TAFA2: variants seen among roughly 807,000 people sequenced by gnomAD.
The protein encoded by TAFA2 is TAFA chemokine like family member 2.
TAFA2 carries 7 observed loss-of-function variants against 18.8 expected under a neutral mutation model. The ratio of observed to expected loss-of-function variants is 0.37; its 90% CI spans 0.21 to 0.70. TAFA2 has a LOEUF of 0.70. Ranked by LOEUF, TAFA2 falls within the 30% of genes least tolerant of loss-of-function variation. The probability of loss-of-function intolerance (pLI) is 0.53; values close to 1 mark genes in which losing one functional copy is unlikely to be tolerated. For synonymous variants in TAFA2, 60 were observed against 54.2 expected (o/e 1.11, Z -0.47); for missense variants, 122 against 158.1 (o/e 0.77, Z 1.23).
intron 1 of TAFA2, among the ~76,000 whole-genome samples, chr12:61,899,155 G>T (rs907256037): frequency 6.6e-6 from 1 of 152,148 alleles, no homozygotes; most frequent in Non-Finnish European, 1.5e-5. Context: ...CCATTCAGCA[G>T]GTCCCCAGGA....
At chr12:61,928,439 A>G (rs943276239) in intron 1 of TAFA2, among the ~76,000 whole-genome samples, 2 of 152,240 alleles carry the variant, frequency 1.3e-5, no homozygotes, top group Non-Finnish European at 2.9e-5. Context: ...TGGTCATTAG[A>G]GAAATCCAAA....
At chr12:61,893,345 TAAAG>T (rs1875712331) in intron 1 of TAFA2, among the ~76,000 whole-genome samples, 1 of 152,056 alleles carries the variant, frequency 6.6e-6, no homozygotes, top group Non-Finnish European at 1.5e-5. Context: ...GATAAAGAGA[TAAAG>T]AAGTGAATAC....
chr12:61,969,307 T>G (rs1879167399), intron 1 of TAFA2, among the ~76,000 whole-genome samples: 1 of 151,726 alleles, frequency 6.6e-6, no homozygotes, highest in Non-Finnish European at 1.5e-5. Flanking sequence ...CTTCCTATCC[T>G]TGAAGACTAT....
intron 1 of TAFA2, among the ~76,000 whole-genome samples, chr12:62,149,277 A>C (rs577048764): frequency 2.4e-4 from 37 of 152,228 alleles, no homozygotes; most frequent in Non-Finnish European, 4.1e-4. Context: ...GTGTAGAATA[A>C]AGGATAAGAC....
At chr12:62,053,270 A>T (rs997692593) in intron 1 of TAFA2, among the ~76,000 whole-genome samples, 1 of 152,200 alleles carries the variant, frequency 6.6e-6, no homozygotes, top group African/African-American at 2.4e-5. Flanking sequence ...TTTTCTCAGT[A>T]GTATATTTTT....
In TAFA2 at chr12:62,005,799, G is replaced by A. The variant is rs1295020882; in HGVS notation, c.-1-138373C>T. On this transcript the variant is annotated intron_variant, in intron 1 of 4. Transcript: ENST00000416284. ...AAAGTGAGGTGTAGACAGTTCATTT[G>A]CCCTAAGTTGCACAAATAGTAAGTG... Among the ~76,000 whole-genome samples, 4 of 152,052 alleles carry A rather than the reference G, an allele frequency of 2.6e-5. No individual in the cohort carries two copies. The East Asian group carries it at 7.7e-4, about 29-fold the overall frequency.
intron 1 of TAFA2, chr12:62,021,443 C>G: frequency 7.2e-6 from 3 of 414,582 alleles, no homozygotes; most frequent in Non-Finnish European, 9.3e-6. Flanking sequence ...CCCACCCTTT[C>G]CCCCAAGACC....
chr12:62,100,701 T>A (rs1163832254), intron 1 of TAFA2, among the ~76,000 whole-genome samples: 1 of 152,234 alleles, frequency 6.6e-6, no homozygotes, highest in Non-Finnish European at 1.5e-5. Flanking sequence ...CTAGGCACTC[T>A]GCATGCAGTG....
At chr12:61,921,887 G>A (rs991868044) in intron 1 of TAFA2, among the ~76,000 whole-genome samples, 4 of 152,150 alleles carry the variant, frequency 2.6e-5, no homozygotes, top group African/African-American at 7.2e-5. Context: ...AGACAAAAAC[G>A]AGGTGGTACA....
At chr12:62,100,635 C>A (rs1869153738) in intron 1 of TAFA2, among the ~76,000 whole-genome samples, 1 of 152,150 alleles carries the variant, frequency 6.6e-6, no homozygotes, top group African/African-American at 2.4e-5. Context: ...CAGTGTAGAC[C>A]TTTCTATAAC....
chr12:61,767,587 C>A (rs1171902792), intron 2 of TAFA2, among the ~76,000 whole-genome samples: 2 of 152,004 alleles, frequency 1.3e-5, no homozygotes, highest in African/African-American at 2.4e-5. Flanking sequence ...CTTCCAACTA[C>A]AATCCAACAA....
intron 1 of TAFA2, among the ~76,000 whole-genome samples, chr12:62,222,134 A>C (rs2136979284): frequency 6.6e-6 from 1 of 152,288 alleles, no homozygotes; most frequent in African/African-American, 2.4e-5. Flanking sequence ...ATTGCATTGT[A>C]AGAACCCTCA....
At chr12:62,006,720 T>C (rs1256882356) in intron 1 of TAFA2, among the ~76,000 whole-genome samples, 1 of 152,156 alleles carries the variant, frequency 6.6e-6, no homozygotes, top group Non-Finnish European at 1.5e-5. Context: ...AGCACTGACA[T>C]TGTCATTTAA....
chr12:62,021,496 T>G, intron 1 of TAFA2: 1 of 574,534 alleles, frequency 1.7e-6, no homozygotes. Flanking sequence ...TCTGTCTTTG[T>G]ACAATATTTT....
chr12:62,181,924 G>A (rs1055547042), intron 1 of TAFA2, among the ~76,000 whole-genome samples: 1 of 151,760 alleles, frequency 6.6e-6, no homozygotes, highest in African/African-American at 2.4e-5. Flanking sequence ...AAAAGGAAGA[G>A]ATATTCATTT....
At chr12:61,922,886 C>A (rs191003862) in intron 1 of TAFA2, among the ~76,000 whole-genome samples, 1 of 152,262 alleles carries the variant, frequency 6.6e-6, no homozygotes, top group East Asian at 1.9e-4. Flanking sequence ...CTGAAGTCAA[C>A]CTGGGACGCT....
chr12:62,074,306 A>C (rs1882706534), intron 1 of TAFA2, among the ~76,000 whole-genome samples: 1 of 152,234 alleles, frequency 6.6e-6, no homozygotes, highest in South Asian at 2.1e-4. Context: ...TTATTTTTGC[A>C]TCACAAAAAT....
intron 2 of TAFA2, among the ~76,000 whole-genome samples, chr12:61,770,563 AG>A (rs1401529515): frequency 2.0e-5 from 3 of 152,152 alleles, no homozygotes; most frequent in African/African-American, 7.2e-5. Flanking sequence ...ACAAGCTAGA[AG>A]GGATTGGGGT....
At chr12:62,023,768 G>C (rs1881223456) in intron 1 of TAFA2, 1 of 151,852 alleles carries the variant, frequency 6.6e-6, no homozygotes, top group Non-Finnish European at 1.5e-5. Context: ...CTTACAGTCT[G>C]AACTTGACAT....
Sources: allele counts gnomAD v4.1 joint callset (sites outside exome capture counted in the v4.1 genomes callset), GRCh38; gene constraint gnomAD v4.1.1; transcripts MANE v1.5; gene names NCBI Gene and HGNC (gene_info 2026-07-23, HGNC 2026-07-21).